MTMR8: variants seen among roughly 807,000 people sequenced by gnomAD.
The protein encoded by MTMR8 is myotubularin related protein 8, also known as phosphatidylinositol-3,5-bisphosphate 3-phosphatase MTMR8.
Under a neutral mutation model 39.3 loss-of-function variants are expected in MTMR8, and 65 were observed. The ratio of observed to expected loss-of-function variants is 1.65; its 90% CI spans 1.35 to 2.03. The LOEUF (loss-of-function observed/expected upper bound fraction) is 2.03. MTMR8 is among the 30% of genes most tolerant of loss of function. The pLI is 0.00. For missense variants in MTMR8, 777 were observed against 538.9 expected (o/e 1.44, Z -4.37); for synonymous variants, 245 against 185.2 (o/e 1.32, Z -2.62).
chrX:64,282,584 T>G (rs1182391449), intron 12 of MTMR8, among the ~76,000 whole-genome samples: 4 of 111,234 alleles, frequency 3.6e-5, no homozygotes, highest in Non-Finnish European at 7.5e-5. Flanking sequence ...TAACTCAAAG[T>G]GTATAAAAGA....
Position 64,268,608 on chromosome X carries a change from T to A in MTMR8, c.2044A>T (p.Met682Leu), listed in dbSNP as rs777075111. ...ATGCCTGTGTCCCCCAAGATGCCCA[T>A]GTCCCCAGAGAAACCCCTGGCCTCA... ...ISEARGFSGD[M>L]GILGDTGISK... is the part of the protein sequence containing the mutation. The change falls in exon 14 of 14, where the codon ATG (methionine) becomes TTG (leucine). Residue 682 changes from methionine to leucine, a missense_variant. Physicochemically the swap from Met to Leu is conservative, Grantham distance 15. Coordinates refer to ENST00000374852, the MANE Select transcript of MTMR8 (RefSeq NM_017677.4). The A allele has an allele frequency of 8.3e-7, 1 of 1,211,614 alleles. No homozygotes were observed. The highest frequency in any genetic ancestry group is 1.1e-6 in the Non-Finnish European group (1 of 895,478).
At chrX:64,386,827 T>A (rs1239868173) in intron 1 of MTMR8, among the ~76,000 whole-genome samples, 1 of 110,029 alleles carries the variant, frequency 9.1e-6, no homozygotes, top group Non-Finnish European at 1.9e-5. Flanking sequence ...GAGGATTGCT[T>A]GGGCCCAGGA....
At chrX:64,313,934 C>T (rs1391304991) in intron 12 of MTMR8, among the ~76,000 whole-genome samples, 2 of 112,302 alleles carry the variant, frequency 1.8e-5, no homozygotes, top group East Asian at 5.6e-4. Context: ...TTTGAAGTCA[C>T]TGTCCTTTGG....
rs762573281 is a variant in MTMR8, at chrX:64,395,322, C to G, written c.24+18G>C. The G allele has an allele frequency of 1.1e-5, 13 of 1,208,286 alleles. No homozygotes were observed. The highest frequency in any genetic ancestry group is 1.5e-5 in the Non-Finnish European group (13 of 894,048). On this transcript the variant is annotated intron_variant, in intron 1 of 13. Coordinates refer to ENST00000374852, the MANE Select transcript of MTMR8 (RefSeq NM_017677.4). Reference sequence around the variant, plus strand: ...AGGAAGCTCGCGGCTGTCAGCCTCGCTTAACTCTTCTCCTTACCTTGGGTA... The same window carrying G: ...AGGAAGCTCGCGGCTGTCAGCCTCGGTTAACTCTTCTCCTTACCTTGGGTA...
chrX:64,316,639 C>A (rs1268065155), intron 12 of MTMR8, among the ~76,000 whole-genome samples: 1 of 111,363 alleles, frequency 9.0e-6, no homozygotes, highest in African/African-American at 3.3e-5. Flanking sequence ...CAGAGCAAGG[C>A]CCAGTCTCAA....
At chrX:64,355,165 G>A (rs974941607) in intron 3 of MTMR8, among the ~76,000 whole-genome samples, 1 of 111,464 alleles carries the variant, frequency 9.0e-6, no homozygotes, top group East Asian at 2.8e-4. Context: ...ATACGAAGTG[G>A]GATCTTTCTG....
intron 12 of MTMR8, among the ~76,000 whole-genome samples, chrX:64,285,116 G>T (rs1921110707): frequency 9.0e-6 from 1 of 111,170 alleles, no homozygotes; most frequent in Non-Finnish European, 1.9e-5. Flanking sequence ...CAAAATAAAG[G>T]GATGGAGGAA....
intron 12 of MTMR8, among the ~76,000 whole-genome samples, chrX:64,295,665 T>C (rs1017828933): frequency 9.0e-6 from 1 of 111,460 alleles, no homozygotes; most frequent in African/African-American, 3.3e-5. Flanking sequence ...TAGATATTTC[T>C]CCAAAGAAGA....
intron 11 of MTMR8, among the ~76,000 whole-genome samples, chrX:64,329,861 A>G (rs1176049908): frequency 3.6e-5 from 4 of 112,000 alleles, no homozygotes; most frequent in Non-Finnish European, 7.5e-5. Flanking sequence ...TTGAGTATTT[A>G]CTATGTGTTC....
At chrX:64,395,236 C>A in intron 1 of MTMR8, 104 bp downstream of exon 1, 1 of 866,516 alleles carries the variant, frequency 1.2e-6, no homozygotes, top group Non-Finnish European at 1.7e-6. Flanking sequence ...ACAGGAAAGA[C>A]GCGTCAAAGA....
chrX:64,323,206 G>A (rs916269370), intron 12 of MTMR8, among the ~76,000 whole-genome samples: 4 of 112,567 alleles, frequency 3.6e-5, no homozygotes, highest in African/African-American at 1.3e-4. Context: ...CAGGTACACT[G>A]AAAGTGAAGA....
In MTMR8 at chrX:64,289,455, T is replaced by C. The variant is rs151280366; in HGVS notation, c.1482-18382A>G. 1.0e-4 allele frequency among the ~76,000 whole-genome samples: 11 copies of C among 109,173 alleles called. No homozygotes were observed. In the East Asian group the frequency reaches 3.2e-3, roughly 32 times the overall value. The allele number at this position is 109,173 out of a possible 115,157, so 94.8% of individuals were successfully genotyped here. On this transcript the variant is annotated intron_variant, in intron 12 of 13. Coordinates refer to ENST00000374852, the MANE Select transcript of MTMR8 (RefSeq NM_017677.4). Reference sequence around the variant, plus strand: ...CAAAAGAATAGGAGCCTGAACAACATAGCAAGACCCTGTCTCTACAAAAAT... The same window carrying C: ...CAAAAGAATAGGAGCCTGAACAACACAGCAAGACCCTGTCTCTACAAAAAT...
chrX:64,304,506 T>C (rs1180451429), intron 12 of MTMR8, among the ~76,000 whole-genome samples: 3 of 111,268 alleles, frequency 2.7e-5, no homozygotes, highest in East Asian at 2.9e-4. Context: ...CACTGCTTCA[T>C]AGCAAGGCCT....
At chrX:64,290,193 TA>T (rs1417361370) in intron 12 of MTMR8, among the ~76,000 whole-genome samples, 1 of 109,318 alleles carries the variant, frequency 9.1e-6, no homozygotes, top group Non-Finnish European at 1.9e-5. Context: ...ACCTAAAACC[TA>T]AAAAAGTGAA....
intron 12 of MTMR8, among the ~76,000 whole-genome samples, chrX:64,298,723 G>A (rs1393541932): frequency 7.6e-5 from 6 of 79,392 alleles, no homozygotes; most frequent in Admixed American, 4.8e-4. Flanking sequence ...GTTTGTCATA[G>A]ATAGCTCTTA....
chrX:64,276,270 T>C (rs1931869830), intron 12 of MTMR8, among the ~76,000 whole-genome samples: 1 of 111,116 alleles, frequency 9.0e-6, no homozygotes, highest in Admixed American at 9.6e-5. Flanking sequence ...TGTTAGGGTG[T>C]TGATCTAGTT....
chrX:64,284,582 A>G (rs1343408240), intron 12 of MTMR8, among the ~76,000 whole-genome samples: 1 of 111,777 alleles, frequency 8.9e-6, no homozygotes, highest in Non-Finnish European at 1.9e-5. Context: ...GAGAAAGGTC[A>G]CATTACCCAC....
In MTMR8 at chrX:64,345,044, C is replaced by T. The variant is rs141190403; in HGVS notation, c.865+1G>A. 4 of 1,209,346 alleles carry T rather than the reference C, an allele frequency of 3.3e-6. No homozygotes were observed. Among genetic ancestry groups the T allele is most frequent in the Non-Finnish European group, 4.5e-6 (4 of 894,306 alleles). ...GCCTAGCCAAGGTGAAATCCCTGTA[C>T]CTTCCAAGAGTTTCTGCAGACTGCT... On this transcript the variant is annotated splice_donor_variant, in intron 7 of 13. Transcript: ENST00000374852. LOFTEE classifies it high-confidence loss of function.
Position 64,268,850 on chromosome X carries a change from A to G in MTMR8, c.1802T>C (p.Val601Ala). Residue 601 changes from valine (V) to alanine (A), a missense_variant, in exon 14 of 14, where the codon GTA becomes GCA. Coordinates refer to ENST00000374852, the MANE Select transcript of MTMR8 (RefSeq NM_017677.4). ...GTGGAGGTCTGCACCCTGGCTTTTT[A>G]CTTGATCCATCTGAGCTCGGAGGCC... ...EGGLRAQMDQ[V>A]KSQGADLHHN... 5 of 1,211,550 alleles carry G rather than the reference A, an allele frequency of 4.1e-6. No individual in the cohort carries two copies. Among genetic ancestry groups the G allele is most frequent in the Non-Finnish European group, 5.6e-6 (5 of 895,464 alleles).
Sources: gnomAD v4.1 joint callset for allele counts (sites outside exome capture counted in the v4.1 genomes callset) on GRCh38, gnomAD v4.1.1 for gene constraint, MANE v1.5 for transcripts, NCBI Gene and HGNC (gene_info 2026-07-23, HGNC 2026-07-21) for gene names.